Variants in DTWD2 observed in about 807,000 individuals in gnomAD.
DTWD2 encodes the protein DTW motif tRNA-uridine aminocarboxypropyltransferase 2.
DTWD2 carries 39 observed loss-of-function variants against 31.8 expected under a neutral mutation model. That is an observed-to-expected ratio of 1.22 (90% CI 0.95 to 1.60). DTWD2 has a LOEUF of 1.60. Among genes scored for constraint, DTWD2 ranks in the 40% most tolerant of loss-of-function variants. The probability of loss-of-function intolerance (pLI) is 0.00; values close to 1 mark genes in which losing one functional copy is unlikely to be tolerated. For synonymous variants in DTWD2, 180 were observed against 142.8 expected, an observed-to-expected ratio of 1.26 and a Z score of -1.86; for missense variants, 515 against 381.5, an observed-to-expected ratio of 1.35 and a Z score of -2.92.
At chr5:118,912,934 T>C (rs1006378911) in intron 4 of DTWD2, among the ~76,000 whole-genome samples, 9 of 152,178 alleles carry the variant, frequency 5.9e-5, no homozygotes, top group African/African-American at 2.2e-4. Context: ...ATACCAAAGC[T>C]ATCAACAAGA....
intron 1 of DTWD2, among the ~76,000 whole-genome samples, chr5:118,944,968 TC>T (rs1356862968): frequency 6.6e-6 from 1 of 152,198 alleles, no homozygotes; most frequent in East Asian, 1.9e-4. Flanking sequence ...TGATTTGCAT[TC>T]CAAATCAAAA....
chr5:118,955,622 C>A (rs1018402898), intron 1 of DTWD2, among the ~76,000 whole-genome samples: 2 of 152,110 alleles, frequency 1.3e-5, no homozygotes, highest in Non-Finnish European at 2.9e-5. Context: ...TTTGTTCTCA[C>A]TGTGCCAGAA....
At chr5:118,960,110 T>G (rs977394219) in intron 1 of DTWD2, among the ~76,000 whole-genome samples, 3 of 151,912 alleles carry the variant, frequency 2.0e-5, no homozygotes, top group African/African-American at 7.2e-5. Flanking sequence ...AATTAAAAAG[T>G]TTCTGCAAAG....
At chr5:118,882,619 C>T (rs1752766454) in intron 4 of DTWD2, among the ~76,000 whole-genome samples, 1 of 152,238 alleles carries the variant, frequency 6.6e-6, no homozygotes, top group South Asian at 2.1e-4. Context: ...GCTCCCATAA[C>T]TCAACTCTTG....
At chr5:118,956,561 A>G (rs1254888093) in intron 1 of DTWD2, among the ~76,000 whole-genome samples, 1 of 152,244 alleles carries the variant, frequency 6.6e-6, no homozygotes. Context: ...GCTAGGACCT[A>G]CAAAAAAATC....
At position 118,837,135 on chromosome 5, in the gene DTWD2, A is replaced by C. The variant is rs920383936; in HGVS notation, c.*3782T>G. ...GAATAGTATAAAAGGGAAGGGGAAC[A>C]ATGTAGGTGATGAAAGAGGGAGAGG... On this transcript the variant is annotated 3_prime_UTR_variant, in exon 6 of 6. Transcript: ENST00000510708. 5.3e-5 allele frequency among the ~76,000 whole-genome samples: 8 copies of C among 152,216 alleles called. No homozygotes were observed. Among genetic ancestry groups the C allele is most frequent in the African/African-American group, 1.9e-4 (8 of 41,474 alleles).
intron 4 of DTWD2, among the ~76,000 whole-genome samples, chr5:118,872,631 A>C (rs1447852101): frequency 1.3e-5 from 2 of 152,182 alleles, no homozygotes; most frequent in Non-Finnish European, 2.9e-5. Context: ...GGCACCCCAA[A>C]ACAATCACAA....
intron 4 of DTWD2, among the ~76,000 whole-genome samples, chr5:118,873,577 G>A (rs1210287434): frequency 6.6e-6 from 1 of 152,210 alleles, no homozygotes. Context: ...ATGTCTGCAT[G>A]GTGAGTTTTG....
chr5:118,917,901 G>A (rs190304040), intron 4 of DTWD2, among the ~76,000 whole-genome samples: 1,924 of 151,956 alleles, frequency 0.013, 16 homozygotes, highest in Non-Finnish European at 0.017. Flanking sequence ...GGAGGCAGAC[G>A]TTGTAGTGAG....
At chr5:118,949,928 C>G (rs775583834) in intron 1 of DTWD2, among the ~76,000 whole-genome samples, 1 of 152,000 alleles carries the variant, frequency 6.6e-6, no homozygotes, top group African/African-American at 2.4e-5. Flanking sequence ...ATTGTCTAAG[C>G]GGCCGGGCGC....
chr5:118,836,737 C>T lies in DTWD2; in HGVS notation c.*4180G>A, dbSNP rs538756598. On this transcript the variant is annotated 3_prime_UTR_variant, in exon 6 of 6. Coordinates refer to ENST00000510708, the MANE Select transcript of DTWD2 (RefSeq NM_173666.4). ...TCATAAGGGTCTCAGAGAGCTAGCT[C>T]GACCCTTCCACTAGGTGAAGACACA... is the stretch of plus-strand genomic sequence containing the variant. Among the ~76,000 whole-genome samples, 9 of 152,220 alleles carry T rather than the reference C, an allele frequency of 5.9e-5. No individual in the cohort carries two copies. Among genetic ancestry groups the T allele is most frequent in the South Asian group, 2.1e-4 (1 of 4,818 alleles).
chr5:118,844,632 C>T (rs1232685257), intron 5 of DTWD2, among the ~76,000 whole-genome samples: 1 of 152,110 alleles, frequency 6.6e-6, no homozygotes, highest in African/African-American at 2.4e-5. Context: ...GTGGTCTGCC[C>T]ACTTGCAAAA....
chr5:118,969,507 T>C (rs906131554), intron 1 of DTWD2, among the ~76,000 whole-genome samples: 2 of 152,136 alleles, frequency 1.3e-5, no homozygotes, highest in Admixed American at 6.5e-5. Flanking sequence ...TTTGCAGCCT[T>C]CACCGGTAAT....
chr5:118,976,145 G>A (rs1755151758), intron 1 of DTWD2, among the ~76,000 whole-genome samples: 2 of 152,102 alleles, frequency 1.3e-5, no homozygotes, highest in African/African-American at 4.8e-5. Context: ...AAACCAATGA[G>A]AACAAAGACA....
intron 1 of DTWD2, among the ~76,000 whole-genome samples, chr5:118,946,201 A>G (rs186412382): frequency 5.9e-5 from 9 of 152,316 alleles, no homozygotes; most frequent in Admixed American, 5.9e-4. Context: ...CTGGAATGTA[A>G]GTTTAACCCA....
intron 4 of DTWD2, among the ~76,000 whole-genome samples, chr5:118,871,947 C>T (rs963286124): frequency 6.6e-6 from 1 of 152,166 alleles, no homozygotes; most frequent in African/African-American, 2.4e-5. Context: ...GTGTAGACAC[C>T]TGCATCAATA....
At chr5:118,972,934 T>C (rs952412013) in intron 1 of DTWD2, among the ~76,000 whole-genome samples, 4 of 152,206 alleles carry the variant, frequency 2.6e-5, no homozygotes, top group Non-Finnish European at 5.9e-5. Context: ...GCATATATAT[T>C]TAGGATAGTT....
chr5:118,939,004 T>C (rs533557332), intron 3 of DTWD2, among the ~76,000 whole-genome samples, 192 bp downstream of exon 3: 189 of 152,312 alleles, frequency 1.2e-3, no homozygotes, highest in African/African-American at 4.4e-3. Flanking sequence ...TTTATTTTTT[T>C]ATTTCTGATT....
intron 4 of DTWD2, among the ~76,000 whole-genome samples, chr5:118,891,705 T>A (rs1486021171): frequency 6.6e-6 from 1 of 152,176 alleles, no homozygotes; most frequent in Non-Finnish European, 1.5e-5. Context: ...TGCAACACAG[T>A]CATACACAGT....
Sources: gnomAD v4.1 joint callset for allele counts (sites outside exome capture counted in the v4.1 genomes callset) on GRCh38, gnomAD v4.1.1 for gene constraint, MANE v1.5 for transcripts, NCBI Gene and HGNC (gene_info 2026-07-23, HGNC 2026-07-21) for gene names.